The following ADGRL1 variants were observed in gnomAD, a reference collection of about 807,000 sequenced individuals.
ADGRL1 encodes CIRL-1.
A neutral mutation model predicts 148.9 loss-of-function variants in ADGRL1; 31 were observed. The observed-to-expected ratio is 0.21, with a 90% CI of 0.16 to 0.28. The LOEUF is 0.28. Among genes scored for constraint, ADGRL1 ranks in the 10% least tolerant of loss-of-function variants. The pLI is 1.00. For missense variants in ADGRL1, 1,521 were observed against 2,058.8 expected (o/e 0.74, Z 5.05); for synonymous variants, 937 against 900.3 (o/e 1.04, Z -0.73).
chr19:14,198,331 G>A (rs1256420341), intron 1 of ADGRL1, among the ~76,000 whole-genome samples: 1 of 152,110 alleles, frequency 6.6e-6, no homozygotes, highest in African/African-American at 2.4e-5. Flanking sequence ...ATCAGACTGT[G>A]TGTGGGGAGG....
chr19:14,152,121 A>G lies in ADGRL1; in HGVS notation c.3667+12T>C, dbSNP rs1159803029. 1.9e-6 allele frequency: 3 copies of G among 1,612,372 alleles called. No homozygotes were observed. In the African/African-American group the frequency reaches 4.0e-5, roughly 22 times the overall value. On this transcript the variant is annotated intron_variant, in intron 22 of 22. Transcript: ENST00000361434. The surrounding 1 kb of genome is among the most constrained non-coding windows in gnomAD (Gnocchi z 6.1). ...AGCCTCAGAAACATCCCCAGGGAAG[A>G]GTCACACTTACTGGGTTCCCGGTAG...
At position 14,157,629 on chromosome 19, in the gene ADGRL1, C is replaced by T. The variant is rs1206136738; in HGVS notation, c.2536-169G>A. ...CTGCACGCAGCAATGCGCTCACTTC[C>T]TCATGCTCTGGAAGGCTTGTGGAGA... On this transcript the variant is annotated intron_variant, in intron 13 of 22. Coordinates refer to ENST00000361434, the MANE Select transcript of ADGRL1 (RefSeq NM_014921.5). This position sits in a 1 kb window ranked among gnomAD's most constrained non-coding sequence, Gnocchi z 7.5. Among the ~76,000 whole-genome samples, 1 of 152,260 alleles carries T rather than the reference C, an allele frequency of 6.6e-6. No homozygotes were observed. The highest frequency in any genetic ancestry group is 2.4e-5 in the African/African-American group (1 of 41,468).
At position 14,156,891 on chromosome 19, in the gene ADGRL1, T is replaced by TTC. The variant is rs778276354; in HGVS notation, c.2966+33_2966+34insGA. The TTC allele has an allele frequency of 2.0e-5, 32 of 1,597,242 alleles. No individual in the cohort carries two copies. In the Middle Eastern group the frequency reaches 7.9e-4, roughly 40 times the overall value. On this transcript the variant is annotated intron_variant, in intron 15 of 22. Coordinates refer to ENST00000361434, the MANE Select transcript of ADGRL1 (RefSeq NM_014921.5). The stretch of plus-strand genomic sequence containing the variant: ...GGGTGCCGCCCAGCAGGGAACCAGG[T>TTC]GGGAGGGTGCAGGGCTGGGAGGTGG...
intron 18 of ADGRL1, among the ~76,000 whole-genome samples, chr19:14,153,910 C>A (rs1176704007): frequency 6.6e-6 from 1 of 151,378 alleles, no homozygotes; most frequent in Non-Finnish European, 1.5e-5. Flanking sequence ...CCATTGCACT[C>A]TAGCCTGGGG....
At chr19:14,170,914 G>A (rs1970416897) in intron 3 of ADGRL1, 123 bp from the exon 4 acceptor site, 1 of 617,246 alleles carries the variant, frequency 1.6e-6, no homozygotes, top group Admixed American at 2.5e-5. Flanking sequence ...AGTGGAGCTG[G>A]AAACCAAGTG....
chr19:14,181,052 AAATAAATAAAT>A (rs1971158281), intron 2 of ADGRL1, among the ~76,000 whole-genome samples: 1 of 152,142 alleles, frequency 6.6e-6, no homozygotes, highest in Non-Finnish European at 1.5e-5. Context: ...CATCTCGAAA[AAATAAATAAAT>A]AAAAAATAAA....
At chr19:14,191,552 C>T (rs1971941683) in intron 1 of ADGRL1, 1 of 428,358 alleles carries the variant, frequency 2.3e-6, no homozygotes, top group South Asian at 1.6e-5. Context: ...TTTACTTCCT[C>T]CTAGTTCTGG....
intron 16 of ADGRL1, 99 bp downstream of exon 16, chr19:14,156,559 G>A: frequency 2.5e-6 from 2 of 809,092 alleles, no homozygotes; most frequent in Non-Finnish European, 2.0e-6. Context: ...GAGAGTGTGT[G>A]TGTGTGTGGG....
chr19:14,191,080 C>G (rs1179614379), intron 1 of ADGRL1: 3 of 451,728 alleles, frequency 6.6e-6, no homozygotes, highest in African/African-American at 6.0e-5. Context: ...GAGCAAGACT[C>G]CGTCTCAAAA....
At position 14,150,868 on chromosome 19, in the gene ADGRL1, T is replaced by C; in HGVS notation, c.*5A>G. 1 of 1,611,162 alleles carries C rather than the reference T, an allele frequency of 6.2e-7. No individual in the cohort carries two copies. The highest frequency in any genetic ancestry group is 8.5e-7 in the Non-Finnish European group (1 of 1,179,260). On this transcript the variant is annotated 3_prime_UTR_variant, in exon 23 of 23. Coordinates refer to ENST00000361434, the MANE Select transcript of ADGRL1 (RefSeq NM_014921.5). ...GGCCACCAGCCCCTGGTCCATGAGG[T>C]GCCCTCAGAGACTGGTGACCAGCTG...
At chr19:14,204,556 C>A (rs1972834381) in intron 1 of ADGRL1, among the ~76,000 whole-genome samples, 1 of 152,028 alleles carries the variant, frequency 6.6e-6, no homozygotes, top group African/African-American at 2.4e-5. Context: ...CCCCAAACAG[C>A]ATGGAGGTCA....
chr19:14,151,050 G>T lies in ADGRL1; in HGVS notation c.4233C>A (p.Pro1411=), dbSNP rs1166214425. ...TGTAGTAGATTTCGGGGGGGCCGGGGGGTGCGGGAGGGGGTGGGGGCAGGG... is the reference window on the plus strand; with the variant it reads ...TGTAGTAGATTTCGGGGGGGCCGGGTGGTGCGGGAGGGGGTGGGGGCAGGG... ...SEALPPPPPA[P]PGPPEIYYTS... Residue 1411 remains proline, a synonymous_variant, in exon 23 of 23, where the codon CCC becomes CCA. Transcript: ENST00000361434. 4 of 1,495,160 alleles carry T rather than the reference G, an allele frequency of 2.7e-6. No individual in the cohort carries two copies. Among genetic ancestry groups the T allele is most frequent in the Non-Finnish European group, 3.6e-6 (4 of 1,119,538 alleles). 92.6% of individuals were successfully genotyped at this position (1,495,160 alleles called of 1,614,324 possible). A position where few individuals can be genotyped will look rare whatever the true frequency, so the allele number is the denominator to read the frequency against.
intron 1 of ADGRL1, among the ~76,000 whole-genome samples, chr19:14,202,122 T>C (rs867955320): frequency 1.3e-4 from 20 of 151,984 alleles, no homozygotes; most frequent in African/African-American, 4.1e-4. Flanking sequence ...AGAAAGACCA[T>C]GAAGGGCCAG....
chr19:14,155,490 G>T lies in ADGRL1; in HGVS notation c.3163C>A (p.Leu1055Met). ...ALGAIALLFL[L>M]GLTWAFGLLF... ...AGGCCGAAAGCCCAGGTGAGGCCCA[G>T]CAGGAACAGCAGCGCGATGGCCCCC... is the stretch of plus-strand genomic sequence containing the variant. The change falls in exon 18 of 23, where the codon CTG becomes ATG. Residue 1055 changes from leucine (L) to methionine (M), a missense_variant. By Grantham distance (15) the Leu-to-Met change is conservative (BLOSUM62 2). Around this residue, in one of 8 missense-constraint regions of ADGRL1, gnomAD observed 185 missense variants for 251.7 expected, o/e 0.74. Coordinates refer to ENST00000361434, the MANE Select transcript of ADGRL1 (RefSeq NM_014921.5). This position sits in a 1 kb window ranked among gnomAD's most constrained non-coding sequence, Gnocchi z 5.0. The T allele has an allele frequency of 6.2e-7, 1 of 1,613,910 alleles. No homozygotes were observed. The highest frequency in any genetic ancestry group is 8.5e-7 in the Non-Finnish European group (1 of 1,179,960).
chr19:14,163,395 G>C lies in ADGRL1; in HGVS notation c.406C>G (p.Pro136Ala), dbSNP rs1263703671. The C allele has an allele frequency of 1.3e-6, 2 of 1,561,418 alleles. No homozygotes were observed. Among genetic ancestry groups the C allele is most frequent in the Admixed American group, 1.9e-5 (1 of 52,778 alleles). Residue 136 changes from proline to alanine, a missense_variant, in exon 5 of 23, where the codon CCA becomes GCA. Transcript: ENST00000361434. ...YDCVPYIFVCPGTLQKVLEPT... is the reference protein window; with the variant it reads ...YDCVPYIFVCAGTLQKVLEPT... ...TCCAGCACCTTCTGCAGGGTCCCTG[G>C]GCACACGAAGACTGGGCAGAGTGGG... is the stretch of plus-strand genomic sequence containing the variant.
intron 3 of ADGRL1, among the ~76,000 whole-genome samples, chr19:14,174,936 G>A (rs928238612): frequency 6.6e-6 from 1 of 151,092 alleles, no homozygotes; most frequent in Non-Finnish European, 1.5e-5. Context: ...CAAACTCCCG[G>A]GCCCAAGTGA....
At chr19:14,163,491 A>G (rs1203621099) in intron 4 of ADGRL1, 85 bp from the exon 5 acceptor site, 4 of 1,020,858 alleles carry the variant, frequency 3.9e-6, no homozygotes, top group East Asian at 2.7e-5. Flanking sequence ...AGAGAGAGAG[A>G]GAGAGAGGGG....
chr19:14,156,948 G>A lies in ADGRL1; in HGVS notation c.2943C>T (p.Tyr981=). The A allele has an allele frequency of 1.2e-6, 2 of 1,612,506 alleles. No homozygotes were observed. The highest frequency in any genetic ancestry group is 1.7e-6 in the Non-Finnish European group (2 of 1,179,852). The change falls in exon 15 of 23, where the codon TAC becomes TAT. Residue 981 remains tyrosine, a synonymous_variant. Coordinates refer to ENST00000361434, the MANE Select transcript of ADGRL1 (RefSeq NM_014921.5). ...ACGCCTTCTCGGTGCCGTAGCTGCG[G>A]TAGTCAATGGCAGCCGCGATGCCCA... is the stretch of plus-strand genomic sequence containing the variant. ...LVVGIAAAID[Y]RSYGTEKACW...
intron 2 of ADGRL1, among the ~76,000 whole-genome samples, chr19:14,179,366 C>T (rs910578958): frequency 6.6e-6 from 1 of 151,706 alleles, no homozygotes; most frequent in African/African-American, 2.4e-5. Context: ...TGGTGGCGGG[C>T]ACCTGTAGTC....
Sources: gnomAD v4.1 joint callset for allele counts (sites outside exome capture counted in the v4.1 genomes callset) on GRCh38, gnomAD v4.1.1 for gene constraint, gnomAD v4.1.1 regional missense constraint, Gnocchi (gnomAD v3.1) non-coding constraint, MANE v1.5 for transcripts, NCBI Gene and HGNC (gene_info 2026-07-23, HGNC 2026-07-21) for gene names.